The following WWTR1 variants were observed in gnomAD, a reference collection of about 807,000 sequenced individuals.
WWTR1 encodes the protein WW domain-containing transcription regulator protein 1.
WWTR1 carries 13 observed loss-of-function variants against 40.1 expected under a neutral mutation model. The ratio of observed to expected loss-of-function variants is 0.32; its 90% CI spans 0.21 to 0.52. The LOEUF (loss-of-function observed/expected upper bound fraction) is 0.52. Among genes scored for constraint, WWTR1 ranks in the 20% least tolerant of loss-of-function variants. WWTR1 has a pLI of 0.97. For missense variants in WWTR1, 436 were observed against 523.1 expected, an observed-to-expected ratio of 0.83 and a Z score of 1.63; for synonymous variants, 230 against 210.1, an observed-to-expected ratio of 1.09 and a Z score of -0.82.
chr3:149,653,707 T>C (rs959547064), intron 2 of WWTR1, among the ~76,000 whole-genome samples: 1 of 152,092 alleles, frequency 6.6e-6, no homozygotes, highest in African/African-American at 2.4e-5. Context: ...CCCATTAAGT[T>C]CATTGTTTAG....
chr3:149,638,203 C>G (rs766890685), intron 2 of WWTR1, among the ~76,000 whole-genome samples: 1 of 151,590 alleles, frequency 6.6e-6, no homozygotes, highest in Non-Finnish European at 1.5e-5. Flanking sequence ...GCAACAAGAG[C>G]GAAACTTTGT....
At chr3:149,608,567 T>C (rs1191068734) in intron 2 of WWTR1, among the ~76,000 whole-genome samples, 1 of 151,964 alleles carries the variant, frequency 6.6e-6, no homozygotes, top group South Asian at 2.1e-4. Context: ...TTTGTATTTT[T>C]AGTAGAGATG....
intron 2 of WWTR1, among the ~76,000 whole-genome samples, chr3:149,600,031 AT>A (rs1739175149): frequency 1.3e-5 from 2 of 152,256 alleles, no homozygotes; most frequent in African/African-American, 4.8e-5. Flanking sequence ...TTGCATTTAC[AT>A]TTTATCAGGT....
intron 4 of WWTR1, among the ~76,000 whole-genome samples, chr3:149,531,231 G>A (rs755712990): frequency 5.9e-5 from 9 of 152,116 alleles, no homozygotes; most frequent in African/African-American, 1.4e-4. Context: ...CACTGCACCC[G>A]GCCTGAATAA....
At chr3:149,586,739 A>T (rs1738448003) in intron 2 of WWTR1, among the ~76,000 whole-genome samples, 2 of 152,198 alleles carry the variant, frequency 1.3e-5, no homozygotes. Context: ...TCGAACTTTC[A>T]GTCCCACACC....
At chr3:149,713,290 T>C (rs1360294329) in intron 5 of WWTR1, among the ~76,000 whole-genome samples, 1 of 152,202 alleles carries the variant, frequency 6.6e-6, no homozygotes, top group Non-Finnish European at 1.5e-5. Context: ...GGATTGTCTA[T>C]GCCAATTCTG....
chr3:149,554,651 A>G (rs992141018), intron 3 of WWTR1, among the ~76,000 whole-genome samples: 5 of 143,856 alleles, frequency 3.5e-5, no homozygotes, highest in Admixed American at 6.9e-5. Context: ...AAGTCTAGGG[A>G]AAAAAAAAAA....
At chr3:149,523,432 G>C (rs1047602240) in intron 6 of WWTR1, among the ~76,000 whole-genome samples, 1 of 152,084 alleles carries the variant, frequency 6.6e-6, no homozygotes, top group East Asian at 1.9e-4. Context: ...ATTCTTAGTA[G>C]ACACAAGATT....
intron 2 of WWTR1, among the ~76,000 whole-genome samples, chr3:149,625,009 G>T (rs1740478695): frequency 6.6e-6 from 1 of 151,034 alleles, no homozygotes; most frequent in African/African-American, 2.4e-5. Context: ...GGGATTATAT[G>T]TGTGAGCCAC....
chr3:149,677,950 T>A (rs111604325), intron 1 of WWTR1, among the ~76,000 whole-genome samples: 5 of 151,702 alleles, frequency 3.3e-5, no homozygotes, highest in Non-Finnish European at 7.4e-5. Flanking sequence ...TTTTTTTTTT[T>A]AGTGGAGACG....
At chr3:149,663,016 A>G (rs1713650451), upstream of WWTR1, among the ~76,000 whole-genome samples, 2 of 152,104 alleles carry the variant, frequency 1.3e-5, no homozygotes, top group Admixed American at 6.5e-5. Context: ...GTAATCAAAC[A>G]TAACACTGCC....
In WWTR1 at chr3:149,526,062, G is replaced by A. The variant is rs1300770731; in HGVS notation, c.969C>T (p.Val323=). The A allele has an allele frequency of 1.9e-6, 3 of 1,610,624 alleles. No homozygotes were observed. The highest frequency in any genetic ancestry group is 2.5e-6 in the Non-Finnish European group (3 of 1,178,190). Residue 323 remains valine (V), a synonymous_variant, in exon 6 of 7, where the codon GTC becomes GTT. Coordinates refer to ENST00000360632, the MANE Select transcript of WWTR1 (RefSeq NM_015472.6). The part of the protein sequence containing the change: ...DSGLGLGCYS[V]PTTPEDFLSN... ...TGAGGAAGTCCTCCGGAGTTGTGGG[G>A]ACACTGTAGCACCCTAACCCCAGGC...
intron 2 of WWTR1, among the ~76,000 whole-genome samples, chr3:149,626,171 T>C (rs1221633612): frequency 6.6e-6 from 1 of 152,206 alleles, no homozygotes; most frequent in Non-Finnish European, 1.5e-5. Context: ...AAGTCTTAAA[T>C]TGGGAAAACC....
chr3:149,716,521 C>T (rs2108234835), intron 5 of WWTR1, among the ~76,000 whole-genome samples: 1 of 152,114 alleles, frequency 6.6e-6, no homozygotes, highest in East Asian at 1.9e-4. Context: ...TTGAAAACTA[C>T]TCTGAATATA....
chr3:149,633,585 A>AC (rs796556024), intron 2 of WWTR1, among the ~76,000 whole-genome samples: 6 of 152,218 alleles, frequency 3.9e-5, no homozygotes, highest in East Asian at 1.9e-4. Flanking sequence ...ATAATGGTAG[A>AC]CCCCCAAAGA....
At chr3:149,706,443 C>T (rs186373388), upstream of WWTR1, among the ~76,000 whole-genome samples, 347 of 151,508 alleles carry the variant, frequency 2.3e-3, 1 homozygote, top group Middle Eastern at 0.01. Flanking sequence ...CTCAGCCTCC[C>T]GAGTAGCTGG....
intron 4 of WWTR1, 106 bp from the exon 5 acceptor site, chr3:149,528,075 T>C: frequency 7.1e-7 from 1 of 1,402,390 alleles, no homozygotes; most frequent in Non-Finnish European, 9.5e-7. Context: ...CACTGTGTAT[T>C]TACTCCCAGC....
intron 1 of WWTR1, among the ~76,000 whole-genome samples, chr3:149,691,707 C>G (rs865999257): frequency 6.6e-6 from 1 of 152,090 alleles, no homozygotes; most frequent in Admixed American, 6.6e-5. Context: ...GGCTTCGCTG[C>G]TAATTTTTAC....
intron 2 of WWTR1, among the ~76,000 whole-genome samples, chr3:149,645,306 C>T (rs1712450073): frequency 6.6e-6 from 1 of 152,074 alleles, no homozygotes; most frequent in South Asian, 2.1e-4. Context: ...GTCTTGATCT[C>T]CTGACCTCGT....
Sources: allele counts gnomAD v4.1 joint callset (sites outside exome capture counted in the v4.1 genomes callset), GRCh38; gene constraint gnomAD v4.1.1; transcripts MANE v1.5; gene names NCBI Gene and HGNC (gene_info 2026-07-23, HGNC 2026-07-21).